FNDC3B: variants seen among roughly 807,000 people sequenced by gnomAD.
FNDC3B encodes the protein fibronectin type III domain-containing protein 3B.
A neutral mutation model predicts 151.5 loss-of-function variants in FNDC3B; 12 were observed. That is an observed-to-expected ratio of 0.08 (90% confidence interval 0.05 to 0.13). The LOEUF is 0.13. FNDC3B is among the 10% of genes least tolerant of loss of function. The pLI is 1.00. For missense variants in FNDC3B, 1,214 were observed against 1,505.3 expected (o/e 0.81, Z 3.20); for synonymous variants, 528 against 549.0 (o/e 0.96, Z 0.54).
At chr3:172,324,091 A>G (rs932083131) in intron 11 of FNDC3B, among the ~76,000 whole-genome samples, 2 of 152,176 alleles carry the variant, frequency 1.3e-5, no homozygotes, top group Non-Finnish European at 2.9e-5. Flanking sequence ...GGTTTGCGCA[A>G]GGCACACTGG....
At chr3:172,250,726 A>T (rs1728017759) in intron 5 of FNDC3B, among the ~76,000 whole-genome samples, 2 of 152,228 alleles carry the variant, frequency 1.3e-5, no homozygotes, top group Admixed American at 1.3e-4. Context: ...TTTTCTGAAC[A>T]CACAGTGTAG....
intron 3 of FNDC3B, among the ~76,000 whole-genome samples, chr3:172,201,272 A>T (rs1051077056): frequency 5.3e-5 from 8 of 152,204 alleles, no homozygotes; most frequent in Non-Finnish European, 7.3e-5. Flanking sequence ...CAGTGGGGGA[A>T]GCGCAGGGTG....
chr3:172,288,134 A>G (rs1730121593), intron 7 of FNDC3B, among the ~76,000 whole-genome samples: 1 of 152,222 alleles, frequency 6.6e-6, no homozygotes, highest in Non-Finnish European at 1.5e-5. Flanking sequence ...CTTGTTGCCA[A>G]CAGAGAGAAA....
chr3:172,152,855 C>T (rs1014986396), intron 3 of FNDC3B, among the ~76,000 whole-genome samples: 2 of 152,138 alleles, frequency 1.3e-5, no homozygotes, highest in African/African-American at 4.8e-5. Flanking sequence ...ACTCACTGGG[C>T]CAGCTACGTG....
intron 3 of FNDC3B, among the ~76,000 whole-genome samples, chr3:172,165,513 A>G (rs1017109330): frequency 1.3e-5 from 2 of 152,210 alleles, no homozygotes; most frequent in Non-Finnish European, 2.9e-5. Context: ...AATATGTTTT[A>G]TACCAAAATA....
chr3:172,112,366 G>C, intron 1 of FNDC3B, 86 bp from the exon 2 acceptor site: 1 of 735,882 alleles, frequency 1.4e-6, no homozygotes, highest in Non-Finnish European at 2.5e-6. Context: ...TCACGATGGA[G>C]CACTTAGATT....
rs748140602 is a variant in FNDC3B at position 172,327,847 on chromosome 3, C to T, written c.1255-1105C>T. Among the ~76,000 whole-genome samples the T allele has an allele frequency of 1.1e-4, 17 of 152,312 alleles. 1 individual carries two copies. Among genetic ancestry groups the T allele is most frequent in the South Asian group, 6.2e-4 (3 of 4,832 alleles). On this transcript the variant is annotated intron_variant, in intron 11 of 25. Transcript: ENST00000415807. ...GGAAGGAGATGCTTAAATTTGTTTACGTAAAAAATGTGCTTGCTTTGTTTT... is the reference window on the plus strand; with the variant it reads ...GGAAGGAGATGCTTAAATTTGTTTATGTAAAAAATGTGCTTGCTTTGTTTT...
At chr3:172,358,656 A>T (rs920934310) in intron 22 of FNDC3B, among the ~76,000 whole-genome samples, 3 of 152,264 alleles carry the variant, frequency 2.0e-5, no homozygotes, top group Admixed American at 6.5e-5. Flanking sequence ...AGTCATCAGG[A>T]TAATGACTCC....
In FNDC3B at chr3:172,051,127, A is replaced by G. The variant is rs959740427; in HGVS notation, c.-29+11356A>G. 3.5e-5 allele frequency among the ~76,000 whole-genome samples: 5 copies of G among 140,958 alleles called. No individual in the cohort carries two copies. In the East Asian group the frequency reaches 1.0e-3, roughly 29 times the overall value. The allele number at this position is 140,958 out of a possible 152,430, so 92.5% of individuals were successfully genotyped here. A position where few individuals can be genotyped will look rare whatever the true frequency, so the allele number is the denominator to read the frequency against. On this transcript the variant is annotated intron_variant, in intron 1 of 25. Transcript: ENST00000415807. ...AGATGGAGTTTCACTCTTGTTGCCC[A>G]GGCTGGAGTGCAATGGCGCGATCTC...
rs368594373 is a variant in FNDC3B at position 172,329,002 on chromosome 3, C to T, written c.1305C>T (p.His435=). ...AGTGCTTCTTCGGGAGCCAGAAGCA[C>T]TGCAAGTTGACAAAGCTTTGTCCGG... ...FRQCFFGSQK[H]CKLTKLCPAM... is the part of the protein sequence containing the mutation. The change falls in exon 12 of 26, where the codon CAC becomes CAT. Residue 435 remains histidine (H), a synonymous_variant. Transcript: ENST00000415807. 6.2e-7 allele frequency: 1 copy of T among 1,613,794 alleles called. No homozygotes were observed.
At chr3:172,226,291 G>A (rs1437991509) in intron 3 of FNDC3B, among the ~76,000 whole-genome samples, 1 of 139,822 alleles carries the variant, frequency 7.2e-6, no homozygotes, top group Non-Finnish European at 1.5e-5. Context: ...GGTGACAAGT[G>A]CGAAACTCTG....
In FNDC3B at chr3:172,337,418, T is replaced by A. The variant is rs1171388372; in HGVS notation, c.1852+17T>A. Reference sequence around the variant, plus strand: ...ATTCTGAAGGTGAAGTTTTTGGCAATTGTTTTATTCAAATCCAATAGCAAG... The same window carrying A: ...ATTCTGAAGGTGAAGTTTTTGGCAAATGTTTTATTCAAATCCAATAGCAAG... On this transcript the variant is annotated intron_variant, in intron 16 of 25. Coordinates refer to ENST00000415807, the MANE Select transcript of FNDC3B (RefSeq NM_022763.4). The A allele has an allele frequency of 6.4e-7, 1 of 1,566,424 alleles. No homozygotes were observed. The highest frequency in any genetic ancestry group is 8.8e-7 in the Non-Finnish European group (1 of 1,136,746).
chr3:172,120,557 C>A (rs1720481885), intron 2 of FNDC3B, among the ~76,000 whole-genome samples: 2 of 149,980 alleles, frequency 1.3e-5, no homozygotes, highest in Non-Finnish European at 2.9e-5. Flanking sequence ...TTGCCTTTGT[C>A]ATACAGGCAT....
At chr3:172,345,583 T>A (rs9832569) in intron 19 of FNDC3B, among the ~76,000 whole-genome samples, 26,036 of 151,940 alleles carry the variant, frequency 0.17, 2,352 homozygotes, top group Middle Eastern at 0.35. Flanking sequence ...GTTTTTTGTT[T>A]CCCCCCTCCC....
intron 1 of FNDC3B, among the ~76,000 whole-genome samples, chr3:172,055,008 A>G (rs147701421): frequency 2.4e-3 from 371 of 152,306 alleles, no homozygotes; most frequent in Admixed American, 7.1e-3. Flanking sequence ...TTATTTCCTT[A>G]TATTTCTTTA....
intron 12 of FNDC3B, 83 bp downstream of exon 12, chr3:172,329,159 G>T: frequency 1.4e-6 from 2 of 1,460,368 alleles, no homozygotes; most frequent in South Asian, 2.6e-5. Flanking sequence ...AAGGCATGAG[G>T]AAGCCTGCTG....
chr3:172,123,912 GT>G (rs758194646), intron 2 of FNDC3B, among the ~76,000 whole-genome samples: 1 of 152,152 alleles, frequency 6.6e-6, no homozygotes, highest in Non-Finnish European at 1.5e-5. Flanking sequence ...ATATCTGTCT[GT>G]TTTCAGGACA....
chr3:172,334,365 A>C (rs1418489789), intron 14 of FNDC3B, among the ~76,000 whole-genome samples: 2 of 132,234 alleles, frequency 1.5e-5, no homozygotes, highest in African/African-American at 5.5e-5. Context: ...AATACAAACC[A>C]GGTGATGACA....
At chr3:172,231,501 G>GT (rs1453235062) in intron 4 of FNDC3B, among the ~76,000 whole-genome samples, 1 of 152,210 alleles carries the variant, frequency 6.6e-6, no homozygotes, top group Non-Finnish European at 1.5e-5. Flanking sequence ...ACACGTCCCA[G>GT]TTATGAATTG....
Sources: allele counts gnomAD v4.1 joint callset (sites outside exome capture counted in the v4.1 genomes callset), GRCh38; gene constraint gnomAD v4.1.1; transcripts MANE v1.5; gene names NCBI Gene and HGNC (gene_info 2026-07-23, HGNC 2026-07-21).